The following NALF1 variants were observed in gnomAD, a reference collection of about 807,000 sequenced individuals.
NALF1 encodes NALCN channel auxiliary factor 1.
Under a neutral mutation model 48.4 loss-of-function variants are expected in NALF1, and 3 were observed. The observed-to-expected ratio is 0.06, with a 90% CI of 0.03 to 0.16. The LOEUF (loss-of-function observed/expected upper bound fraction) is 0.16, where lower values mean the gene tolerates loss of function less well. NALF1 is among the 10% of genes least tolerant of loss of function. The pLI, the probability that NALF1 is intolerant of heterozygous loss-of-function variation, is 1.00. For synonymous variants in NALF1, 262 were observed against 245.7 expected (o/e 1.07, Z -0.62); for missense variants, 526 against 571.5 (o/e 0.92, Z 0.81).
intron 1 of NALF1, among the ~76,000 whole-genome samples, chr13:107,237,390 T>A (rs900338905): frequency 4.6e-5 from 7 of 152,256 alleles, no homozygotes; most frequent in African/African-American, 1.7e-4. Flanking sequence ...TTGTTGTACT[T>A]ATCTCACTTA....
intron 1 of NALF1, among the ~76,000 whole-genome samples, chr13:107,514,728 G>A (rs1440273618): frequency 6.6e-6 from 1 of 152,080 alleles, no homozygotes; most frequent in Non-Finnish European, 1.5e-5. Context: ...GTCAAAAAAT[G>A]TGCTCAAGAT....
intron 1 of NALF1, among the ~76,000 whole-genome samples, chr13:107,491,066 C>T (rs1875091402): frequency 6.6e-6 from 1 of 152,160 alleles, no homozygotes; most frequent in African/African-American, 2.4e-5. Flanking sequence ...CTGTGGATTA[C>T]AGCTGGAGGT....
chr13:107,453,411 T>A (rs1884774870), intron 1 of NALF1, among the ~76,000 whole-genome samples: 1 of 152,252 alleles, frequency 6.6e-6, no homozygotes, highest in Non-Finnish European at 1.5e-5. Flanking sequence ...CATCAAGGCA[T>A]GAGGTTTACA....
chr13:107,841,035 T>C (rs1293816071), intron 1 of NALF1, among the ~76,000 whole-genome samples: 3 of 152,176 alleles, frequency 2.0e-5, no homozygotes, highest in Admixed American at 6.6e-5. Flanking sequence ...AATTATATTA[T>C]ATGCTCTTGA....
intron 1 of NALF1, among the ~76,000 whole-genome samples, chr13:107,423,309 TAAG>T (rs548152310): frequency 8.5e-5 from 13 of 152,082 alleles, no homozygotes; most frequent in Non-Finnish European, 1.9e-4. Flanking sequence ...CTGGGAAAAA[TAAG>T]AAGGAAAGAT....
At chr13:107,680,476 G>C (rs950737879) in intron 1 of NALF1, among the ~76,000 whole-genome samples, 1 of 151,806 alleles carries the variant, frequency 6.6e-6, no homozygotes, top group African/African-American at 2.4e-5. Context: ...ATATGAATGA[G>C]AGTGTGTGTA....
At chr13:107,403,329 C>G (rs573614204) in intron 1 of NALF1, among the ~76,000 whole-genome samples, 4 of 149,028 alleles carry the variant, frequency 2.7e-5, no homozygotes, top group African/African-American at 9.9e-5. Flanking sequence ...TTTTGGTTGC[C>G]TGGTATGCAG....
At chr13:107,441,802 C>T (rs530924881) in intron 1 of NALF1, among the ~76,000 whole-genome samples, 45 of 152,142 alleles carry the variant, frequency 3.0e-4, no homozygotes, top group Non-Finnish European at 4.7e-4. Flanking sequence ...GGCAATCTGC[C>T]CCTCTAGGGG....
intron 1 of NALF1, among the ~76,000 whole-genome samples, chr13:107,380,669 G>A (rs1014557305): frequency 6.6e-6 from 1 of 152,008 alleles, no homozygotes; most frequent in African/African-American, 2.4e-5. Context: ...TTAAAAGATG[G>A]GGATTTAAGA....
intron 1 of NALF1, among the ~76,000 whole-genome samples, chr13:107,275,936 G>A (rs774677958): frequency 5.9e-5 from 9 of 152,044 alleles, no homozygotes; most frequent in Non-Finnish European, 1.2e-4. Flanking sequence ...CTCATAGGAC[G>A]TTGAGGTGAG....
intron 1 of NALF1, among the ~76,000 whole-genome samples, chr13:107,528,742 G>C (rs1876525742): frequency 6.6e-6 from 1 of 152,126 alleles, no homozygotes; most frequent in Non-Finnish European, 1.5e-5. Flanking sequence ...CTGATGTCAG[G>C]AGTCTCTGAT....
At chr13:107,396,095 C>T (rs937424668) in intron 1 of NALF1, among the ~76,000 whole-genome samples, 13 of 152,078 alleles carry the variant, frequency 8.5e-5, no homozygotes, top group Admixed American at 1.3e-4. Context: ...ATGTCTGGTA[C>T]GAGCTCTTTA....
chr13:107,391,933 A>T (rs1883634466), intron 1 of NALF1, among the ~76,000 whole-genome samples: 1 of 152,080 alleles, frequency 6.6e-6, no homozygotes, highest in African/African-American at 2.4e-5. Context: ...GGTCACTCTT[A>T]TTTGGCTCAG....
intron 1 of NALF1, among the ~76,000 whole-genome samples, chr13:107,345,685 T>C (rs1182897979): frequency 1.3e-5 from 2 of 152,122 alleles, no homozygotes; most frequent in African/African-American, 4.8e-5. Flanking sequence ...ATAAAACTCT[T>C]AGAAGAAAAC....
intron 1 of NALF1, among the ~76,000 whole-genome samples, chr13:107,714,713 TAA>T (rs1419311934): frequency 2.0e-5 from 3 of 152,104 alleles, no homozygotes; most frequent in East Asian, 1.9e-4. Flanking sequence ...TTTTGACACT[TAA>T]GAGTTTATTT....
At chr13:107,828,381 C>T (rs1368189140) in intron 1 of NALF1, among the ~76,000 whole-genome samples, 1 of 152,032 alleles carries the variant, frequency 6.6e-6, no homozygotes, top group Non-Finnish European at 1.5e-5. Context: ...TGCACGGCAG[C>T]TGCAACTGCA....
intron 1 of NALF1, among the ~76,000 whole-genome samples, chr13:107,431,679 C>T (rs909368632): frequency 7.2e-5 from 11 of 152,156 alleles, no homozygotes; most frequent in African/African-American, 2.7e-4. Context: ...TATTCCAGGA[C>T]TAAGTAATGT....
At chr13:107,432,883 T>C (rs1884405252) in intron 1 of NALF1, among the ~76,000 whole-genome samples, 1 of 152,178 alleles carries the variant, frequency 6.6e-6, no homozygotes, top group Non-Finnish European at 1.5e-5. Flanking sequence ...TAAACTTATA[T>C]TCATGGTGGC....
intron 1 of NALF1, among the ~76,000 whole-genome samples, chr13:107,279,046 T>C (rs1226231312): frequency 8.2e-5 from 12 of 147,142 alleles, no homozygotes; most frequent in Middle Eastern, 6.5e-3. Context: ...TTTTCTTCTT[T>C]TTTTTTTTTT....
Sources: gnomAD v4.1 joint callset for allele counts (sites outside exome capture counted in the v4.1 genomes callset) on GRCh38, gnomAD v4.1.1 for gene constraint, MANE v1.5 for transcripts, NCBI Gene and HGNC (gene_info 2026-07-23, HGNC 2026-07-21) for gene names.